CSMD1: variants seen among roughly 807,000 people sequenced by gnomAD.
The protein encoded by CSMD1 is CUB and sushi domain-containing protein 1.
CSMD1 carries 213 observed loss-of-function variants against 417.5 expected under a neutral mutation model. The observed-to-expected ratio is 0.51, with a 90% CI of 0.46 to 0.57. The LOEUF is 0.57. Among genes scored for constraint, CSMD1 ranks in the 20% least tolerant of loss-of-function variants. CSMD1 has a pLI of 0.00. For missense variants in CSMD1, 6,923 were observed against 4,529.7 expected, an observed-to-expected ratio of 1.53 and a Z score of -15.17; for synonymous variants, 2,862 against 1,736.8, an observed-to-expected ratio of 1.65 and a Z score of -16.11.
chr8:4,282,246 G>A (rs183819628), intron 3 of CSMD1, among the ~76,000 whole-genome samples: 4 of 152,264 alleles, frequency 2.6e-5, no homozygotes, highest in Non-Finnish European at 4.4e-5. Context: ...TGCATGCAAA[G>A]GTGAATATAA....
chr8:4,172,992 C>G (rs749965100), intron 3 of CSMD1, among the ~76,000 whole-genome samples: 1 of 152,130 alleles, frequency 6.6e-6, no homozygotes, highest in Non-Finnish European at 1.5e-5. Flanking sequence ...TCCTGACCCA[C>G]AGAAACCTTG....
At chr8:3,849,606 C>A (rs73508762) in intron 5 of CSMD1, among the ~76,000 whole-genome samples, 6,501 of 152,122 alleles carry the variant, frequency 0.043, 484 homozygotes, top group African/African-American at 0.15. Flanking sequence ...AACAGTGATT[C>A]CTGGGCCTGT....
At chr8:3,945,915 G>A (rs367992247) in intron 5 of CSMD1, among the ~76,000 whole-genome samples, 1 of 152,092 alleles carries the variant, frequency 6.6e-6, no homozygotes, top group East Asian at 1.9e-4. Flanking sequence ...TCAAGACGTG[G>A]CTCCAACTAA....
chr8:3,475,678 T>C (rs1017430219), intron 11 of CSMD1, among the ~76,000 whole-genome samples: 7 of 152,232 alleles, frequency 4.6e-5, no homozygotes, highest in African/African-American at 9.6e-5. Flanking sequence ...CTGTCTCACA[T>C]TGATATGTCT....
intron 12 of CSMD1, among the ~76,000 whole-genome samples, chr8:3,426,908 T>C (rs913457297): frequency 6.6e-6 from 1 of 152,050 alleles, no homozygotes; most frequent in Non-Finnish European, 1.5e-5. Flanking sequence ...TGACTCACAG[T>C]TCAGCTGGGG....
intron 26 of CSMD1, among the ~76,000 whole-genome samples, chr8:3,242,077 C>T (rs1189603176): frequency 7.2e-6 from 1 of 138,660 alleles, no homozygotes; most frequent in Admixed American, 7.6e-5. Flanking sequence ...AGCCTAAACA[C>T]TATCTGATTT....
chr8:3,753,916 T>C lies in CSMD1; in HGVS notation c.931+14A>G, dbSNP rs778479133. 4.8e-5 allele frequency: 74 copies of C among 1,555,142 alleles called. No homozygotes were observed. Among genetic ancestry groups the C allele is most frequent in the Non-Finnish European group, 3.4e-5 (39 of 1,130,706 alleles). On this transcript the variant is annotated intron_variant, in intron 6 of 69. Coordinates refer to ENST00000635120, the MANE Select transcript of CSMD1 (RefSeq NM_033225.6). ...TCTGTTTTTTTTTTTTCTTATAAGA[T>C]GGAGCATCCTTACCTTGGAACTGAG...
At chr8:4,951,494 G>A (rs966522188) in intron 1 of CSMD1, among the ~76,000 whole-genome samples, 1 of 149,652 alleles carries the variant, frequency 6.7e-6, no homozygotes, top group Non-Finnish European at 1.5e-5. Context: ...AAACAGAACA[G>A]GGAAAGGGAA....
chr8:4,374,711 G>A (rs56832566), intron 3 of CSMD1, among the ~76,000 whole-genome samples: 4 of 152,032 alleles, frequency 2.6e-5, no homozygotes, highest in African/African-American at 7.3e-5. Context: ...AGCTGCATCC[G>A]TGTCTGGAGC....
rs74646066 is a variant in CSMD1 at position 3,574,911 on chromosome 8, G to A, written c.1344+34C>T. The A allele has an allele frequency of 6.7e-3, 10,790 of 1,608,362 alleles. 634 individuals carry two copies. The African/African-American group carries it at 0.12, about 19-fold the overall frequency. On this transcript the variant is annotated intron_variant, in intron 10 of 69. Transcript: ENST00000635120. ...AATAGATCCTATAAGAGTGCTGTGTGCATTAACCACAGGGGTTGGAGGCGG... is the reference window on the plus strand; with the variant it reads ...AATAGATCCTATAAGAGTGCTGTGTACATTAACCACAGGGGTTGGAGGCGG...
chr8:3,953,651 C>A (rs145870385), intron 5 of CSMD1, among the ~76,000 whole-genome samples: 1 of 151,962 alleles, frequency 6.6e-6, no homozygotes, highest in South Asian at 2.1e-4. Flanking sequence ...CACCTAAGAA[C>A]GCTGGGACTG....
chr8:3,459,022 G>A (rs551384507), intron 12 of CSMD1, among the ~76,000 whole-genome samples: 10 of 152,362 alleles, frequency 6.6e-5, no homozygotes, highest in African/African-American at 1.9e-4. Context: ...CTACCCGCAA[G>A]GGTAGGAAGG....
intron 50 of CSMD1, among the ~76,000 whole-genome samples, chr8:3,035,672 A>C (rs1810629404): frequency 6.6e-6 from 1 of 152,214 alleles, no homozygotes; most frequent in Non-Finnish European, 1.5e-5. Context: ...AATGTAGCAA[A>C]AGAAAGTGTT....
rs777408813 is a variant in CSMD1, at chr8:3,997,959, C to T, written c.762G>A (p.Gln254=). 4 of 1,611,894 alleles carry T rather than the reference C, an allele frequency of 2.5e-6. No homozygotes were observed. The highest frequency in any genetic ancestry group is 3.4e-6 in the Non-Finnish European group (4 of 1,179,014). ...DTIALVFTDF[Q]LEEGYDFLEI... is the part of the protein sequence containing the mutation. ...CTAAGAAATCATATCCTTCTTCTAG[C>T]TGAAAGTCAGTGAAGACCAGCGCAA... The change falls in exon 5 of 70, where the codon CAG becomes CAA. Residue 254 remains glutamine (Q), a synonymous_variant. Coordinates refer to ENST00000635120, the MANE Select transcript of CSMD1 (RefSeq NM_033225.6).
At chr8:4,987,673 T>G (rs1811250878) in intron 1 of CSMD1, among the ~76,000 whole-genome samples, 1 of 152,144 alleles carries the variant, frequency 6.6e-6, no homozygotes, top group South Asian at 2.1e-4. Flanking sequence ...GGTTCCTGGG[T>G]GTGTCTATGA....
intron 1 of CSMD1, among the ~76,000 whole-genome samples, chr8:4,807,202 T>G (rs986667546): frequency 1.2e-4 from 18 of 152,166 alleles, no homozygotes; most frequent in Non-Finnish European, 1.5e-4. Context: ...TTCATTCCCA[T>G]CTGCCTGTCC....
At chr8:3,702,786 C>G (rs574971392) in intron 7 of CSMD1, among the ~76,000 whole-genome samples, 1 of 152,140 alleles carries the variant, frequency 6.6e-6, no homozygotes, top group Non-Finnish European at 1.5e-5. Context: ...TAGCTGAGAT[C>G]GCACCACACT....
intron 1 of CSMD1, among the ~76,000 whole-genome samples, chr8:4,943,434 T>A (rs1476087097): frequency 6.6e-6 from 1 of 151,702 alleles, no homozygotes; most frequent in Non-Finnish European, 1.5e-5. Flanking sequence ...AGGCGGAGCT[T>A]GCAGTGAGCT....
At chr8:3,466,724 C>G (rs140394671) in intron 12 of CSMD1, among the ~76,000 whole-genome samples, 2 of 151,802 alleles carry the variant, frequency 1.3e-5, no homozygotes, top group Non-Finnish European at 2.9e-5. Context: ...CCCCCCTGCC[C>G]GGGCTGTTTT....
Sources: gnomAD v4.1 joint callset for allele counts (sites outside exome capture counted in the v4.1 genomes callset) on GRCh38, gnomAD v4.1.1 for gene constraint, MANE v1.5 for transcripts, NCBI Gene and HGNC (gene_info 2026-07-23, HGNC 2026-07-21) for gene names.